The following CSMD1 variants were observed in gnomAD, a reference collection of about 807,000 sequenced individuals.
CSMD1 encodes CUB and Sushi multiple domains 1.
Under a neutral mutation model 417.5 loss-of-function variants are expected in CSMD1, and 213 were observed. The ratio of observed to expected loss-of-function variants is 0.51; its 90% CI spans 0.46 to 0.57. CSMD1 has a LOEUF of 0.57. Among genes scored for constraint, CSMD1 ranks in the 20% least tolerant of loss-of-function variants. CSMD1 has a pLI of 0.00. For synonymous variants in CSMD1, 2,862 were observed against 1,736.8 expected, an observed-to-expected ratio of 1.65 and a Z score of -16.11; for missense variants, 6,923 against 4,529.7, an observed-to-expected ratio of 1.53 and a Z score of -15.17.
At chr8:3,790,656 TTTG>T (rs956678636) in intron 5 of CSMD1, among the ~76,000 whole-genome samples, 1 of 152,116 alleles carries the variant, frequency 6.6e-6, no homozygotes, top group African/African-American at 2.4e-5. Flanking sequence ...TAGCTGGGAT[TTTG>T]TTGTTGTTGT....
intron 4 of CSMD1, among the ~76,000 whole-genome samples, chr8:4,018,287 G>T (rs1034616559): frequency 1.3e-4 from 20 of 151,736 alleles, no homozygotes; most frequent in Non-Finnish European, 2.9e-4. Flanking sequence ...CTATCTTTTG[G>T]GATTACAGTC....
chr8:3,806,417 C>T (rs917645993), intron 5 of CSMD1, among the ~76,000 whole-genome samples: 3 of 152,164 alleles, frequency 2.0e-5, no homozygotes, highest in Non-Finnish European at 4.4e-5. Context: ...AGCCCTCAAG[C>T]ATCCTGATAC....
chr8:4,741,934 A>T (rs938519330), intron 1 of CSMD1, among the ~76,000 whole-genome samples: 1 of 144,884 alleles, frequency 6.9e-6, no homozygotes, highest in East Asian at 2.1e-4. Flanking sequence ...CCTGGGCTCA[A>T]GGAATCTTCC....
intron 7 of CSMD1, among the ~76,000 whole-genome samples, chr8:3,620,787 C>A (rs1459356292): frequency 6.6e-6 from 1 of 152,010 alleles, no homozygotes; most frequent in Non-Finnish European, 1.5e-5. Context: ...AATTGAATAA[C>A]AACAAAATGG....
chr8:4,158,527 A>C (rs897658750), intron 3 of CSMD1, among the ~76,000 whole-genome samples: 1 of 152,154 alleles, frequency 6.6e-6, no homozygotes, highest in African/African-American at 2.4e-5. Context: ...AAGAAACAGT[A>C]ATATTAACAC....
intron 1 of CSMD1, among the ~76,000 whole-genome samples, chr8:4,854,172 T>C (rs560641636): frequency 6.6e-6 from 1 of 152,160 alleles, no homozygotes; most frequent in African/African-American, 2.4e-5. Context: ...GATTCTATTT[T>C]GCAATGTGAG....
intron 2 of CSMD1, among the ~76,000 whole-genome samples, chr8:4,465,312 G>A (rs1293465558): frequency 6.6e-6 from 1 of 152,146 alleles, no homozygotes; most frequent in East Asian, 1.9e-4. Flanking sequence ...ATGTCTTGGT[G>A]AAGATGACGG....
Position 4,604,419 on chromosome 8 carries a change from G to A in CSMD1, c.302+32923C>T, listed in dbSNP as rs574707451. 5.1e-3 allele frequency among the ~76,000 whole-genome samples: 776 copies of A among 151,458 alleles called. 2 individuals are homozygous for A. Among genetic ancestry groups the A allele is most frequent in the African/African-American group, 6.7e-3 (275 of 41,316 alleles). On this transcript the variant is annotated intron_variant, in intron 2 of 69. Coordinates refer to ENST00000635120, the MANE Select transcript of CSMD1 (RefSeq NM_033225.6). ...TGTGTGTGTGTGTGTGTGCGCGTGC[G>A]TAAAGACTAGGATCTCCAGGAAGGA... is the stretch of plus-strand genomic sequence containing the variant.
At chr8:3,911,692 A>G (rs550294053) in intron 5 of CSMD1, among the ~76,000 whole-genome samples, 1 of 152,042 alleles carries the variant, frequency 6.6e-6, no homozygotes, top group African/African-American at 2.4e-5. Flanking sequence ...TGCCATAAGC[A>G]CTCCCAGGCT....
chr8:3,709,850 C>CGT (rs141111663), intron 6 of CSMD1, among the ~76,000 whole-genome samples: 47,652 of 147,242 alleles, frequency 0.32, 7,760 homozygotes, highest in East Asian at 0.48. Flanking sequence ...TGTGTGTGTA[C>CGT]GTGTGTGTGT....
At chr8:3,142,920 A>T (rs1029298761) in intron 40 of CSMD1, among the ~76,000 whole-genome samples, 7 of 152,218 alleles carry the variant, frequency 4.6e-5, no homozygotes, top group Admixed American at 6.5e-5. Flanking sequence ...TGTTTGTGAA[A>T]TATGAATATT....
chr8:3,472,695 G>C (rs908109348), intron 11 of CSMD1, among the ~76,000 whole-genome samples: 2 of 151,912 alleles, frequency 1.3e-5, no homozygotes, highest in African/African-American at 4.8e-5. Context: ...ATTGCCCTAA[G>C]TCGTCATCAT....
chr8:4,167,741 G>A (rs1470682772), intron 3 of CSMD1, among the ~76,000 whole-genome samples: 3 of 152,170 alleles, frequency 2.0e-5, no homozygotes, highest in Non-Finnish European at 2.9e-5. Context: ...TGTAATTCCA[G>A]CACTTTTAGA....
intron 41 of CSMD1, among the ~76,000 whole-genome samples, chr8:3,126,760 T>C (rs764726453): frequency 6.6e-6 from 1 of 152,218 alleles, no homozygotes; most frequent in African/African-American, 2.4e-5. Flanking sequence ...CACCTGCTTA[T>C]GAAGCCAACC....
At chr8:4,215,825 C>T (rs887014267) in intron 3 of CSMD1, among the ~76,000 whole-genome samples, 1 of 152,044 alleles carries the variant, frequency 6.6e-6, no homozygotes, top group African/African-American at 2.4e-5. Flanking sequence ...TTTCAAAGAA[C>T]ACAGTGCATG....
chr8:3,831,620 C>T (rs934732939), intron 5 of CSMD1, among the ~76,000 whole-genome samples: 1 of 152,250 alleles, frequency 6.6e-6, no homozygotes, highest in African/African-American at 2.4e-5. Context: ...CTTTTCATTG[C>T]ACTACTTATG....
intron 3 of CSMD1, among the ~76,000 whole-genome samples, chr8:4,171,969 C>T (rs959325561): frequency 3.3e-5 from 5 of 152,102 alleles, no homozygotes; most frequent in African/African-American, 9.7e-5. Context: ...ATGTAATAAT[C>T]AGCATCCTTC....
intron 46 of CSMD1, among the ~76,000 whole-genome samples, chr8:3,101,208 C>A (rs1563865): frequency 0.89 from 135,224 of 152,096 alleles, 60,947 homozygotes; most frequent in East Asian, 0.96. Flanking sequence ...CCTCTTCCCC[C>A]AAAACACCCT....
At chr8:4,770,564 A>G (rs1036460191) in intron 1 of CSMD1, among the ~76,000 whole-genome samples, 2 of 151,970 alleles carry the variant, frequency 1.3e-5, no homozygotes, top group South Asian at 2.1e-4. Context: ...ATTTAAAATT[A>G]TAGTACAAAG....
Sources: gnomAD v4.1 joint callset for allele counts (sites outside exome capture counted in the v4.1 genomes callset) on GRCh38, gnomAD v4.1.1 for gene constraint, MANE v1.5 for transcripts, NCBI Gene and HGNC (gene_info 2026-07-23, HGNC 2026-07-21) for gene names.